The following SMURF1 variants were observed in gnomAD, a reference collection of about 807,000 sequenced individuals.
SMURF1 encodes the protein E3 ubiquitin-protein ligase SMURF1.
A neutral mutation model predicts 98.0 loss-of-function variants in SMURF1; 44 were observed. The observed-to-expected ratio is 0.45, with a 90% CI of 0.35 to 0.58. SMURF1 has a LOEUF of 0.58. Among genes scored for constraint, SMURF1 ranks in the 20% least tolerant of loss-of-function variants. The pLI is 0.00. For missense variants in SMURF1, 687 were observed against 938.4 expected, an observed-to-expected ratio of 0.73 and a Z score of 3.50; for synonymous variants, 396 against 374.9, an observed-to-expected ratio of 1.06 and a Z score of -0.65.
At chr7:99,097,922 C>G (rs1796991368) in intron 1 of SMURF1, among the ~76,000 whole-genome samples, 1 of 152,198 alleles carries the variant, frequency 6.6e-6, no homozygotes, top group African/African-American at 2.4e-5. Context: ...ACAGAAATAT[C>G]TTCAAGAAAA....
chr7:99,132,222 A>G (rs1797885307), intron 1 of SMURF1, among the ~76,000 whole-genome samples: 1 of 152,194 alleles, frequency 6.6e-6, no homozygotes, highest in African/African-American at 2.4e-5. Flanking sequence ...GCTCATATCA[A>G]CAAGAAGTGG....
At chr7:99,122,477 C>G (rs1797656461) in intron 1 of SMURF1, among the ~76,000 whole-genome samples, 1 of 151,606 alleles carries the variant, frequency 6.6e-6, no homozygotes, top group Non-Finnish European at 1.5e-5. Context: ...AACCTCATCT[C>G]TACTAAAAAA....
chr7:99,057,403 GTGTT>G lies in SMURF1; in HGVS notation c.337+11_337+14del, dbSNP rs1563009184. ...TTTGGTTGCATTAAGAGGCAGGAAA[GTGTT>G]TGGTTCTTACATCCGGTATCTTTTA... On this transcript the variant is annotated intron_variant, in intron 4 of 17. Coordinates refer to ENST00000361368, the MANE Select transcript of SMURF1 (RefSeq NM_181349.3). 8 of 1,612,644 alleles carry G rather than the reference GTGTT, an allele frequency of 5.0e-6. No individual in the cohort carries two copies. The highest frequency in any genetic ancestry group is 6.8e-6 in the Non-Finnish European group (8 of 1,179,720).
Position 99,063,285 on chromosome 7 carries a change from A to ATG in SMURF1, c.56-1449_56-1448insCA, listed in dbSNP as rs1796106856. On this transcript the variant is annotated intron_variant, in intron 1 of 17. Transcript: ENST00000361368. ...TATATATATATATATATATATATATATATATATATATATATATATAAAAAG... is the reference window on the plus strand; with the variant it reads ...TATATATATATATATATATATATATATGTATATATATATATATATATAAAAAG... 3.9e-4 allele frequency among the ~76,000 whole-genome samples: 9 copies of ATG among 23,120 alleles called. 1 individual carries two copies. In the East Asian group the frequency reaches 0.014, roughly 35 times the overall value. 15.2% of individuals were successfully genotyped at this position (23,120 alleles called of 152,430 possible).
intron 1 of SMURF1, among the ~76,000 whole-genome samples, chr7:99,132,555 G>A (rs1797892493): frequency 2.0e-5 from 3 of 152,160 alleles, no homozygotes; most frequent in Admixed American, 6.5e-5. Flanking sequence ...CTGCCTGATC[G>A]TGAGTGAGGG....
intron 1 of SMURF1, among the ~76,000 whole-genome samples, chr7:99,085,928 A>C (rs145140542): frequency 1.2e-3 from 184 of 152,372 alleles, no homozygotes; most frequent in African/African-American, 4.3e-3. Context: ...GCCAATTAAA[A>C]TATAGGCAAA....
intron 1 of SMURF1, among the ~76,000 whole-genome samples, chr7:99,063,661 G>A (rs1400251459): frequency 1.3e-5 from 2 of 151,942 alleles, no homozygotes; most frequent in South Asian, 2.1e-4. Flanking sequence ...GTATACTCAT[G>A]GGTGGGACAA....
intron 1 of SMURF1, among the ~76,000 whole-genome samples, chr7:99,096,021 A>G (rs1482945605): frequency 6.6e-6 from 1 of 152,092 alleles, no homozygotes; most frequent in Admixed American, 6.6e-5. Flanking sequence ...GGCATTACCT[A>G]TCAGTGTGGG....
intron 2 of SMURF1, among the ~76,000 whole-genome samples, 172 bp from the exon 3 acceptor site, chr7:99,060,879 G>A (rs373434162): frequency 6.6e-6 from 1 of 151,350 alleles, no homozygotes; most frequent in East Asian, 1.9e-4. Context: ...ATTTTTAGAG[G>A]GTAGAAAAGA....
intron 13 of SMURF1, among the ~76,000 whole-genome samples, chr7:99,039,206 AAAAAAAAAAAAAAAT>A (rs952082917): frequency 1.8e-4 from 22 of 124,172 alleles, no homozygotes; most frequent in Non-Finnish European, 1.0e-4. Context: ...AAAAAAAAAA[AAAAAAAAAAAAAAAT>A]ACTGTTCCTC....
At chr7:99,051,115 T>A in intron 8 of SMURF1, 1 of 929,602 alleles carries the variant, frequency 1.1e-6, no homozygotes, top group Non-Finnish European at 1.6e-6. Flanking sequence ...AATTGCTGTG[T>A]AACCAACTTC....
chr7:99,143,669 A>C, intron 1 of SMURF1, 57 bp downstream of exon 1: 2 of 1,461,336 alleles, frequency 1.4e-6, no homozygotes, highest in South Asian at 2.5e-5. Context: ...CCCTGCGGGG[A>C]ATTCCGGGGC....
chr7:99,047,432 C>G (rs1002038223), intron 10 of SMURF1, among the ~76,000 whole-genome samples: 4 of 152,152 alleles, frequency 2.6e-5, no homozygotes, highest in Non-Finnish European at 5.9e-5. Flanking sequence ...TCCATTTTTA[C>G]CATAAGAGGA....
At chr7:99,109,266 G>A (rs1289774647) in intron 1 of SMURF1, among the ~76,000 whole-genome samples, 1 of 152,178 alleles carries the variant, frequency 6.6e-6, no homozygotes, top group East Asian at 1.9e-4. Flanking sequence ...TGCCAGCCTC[G>A]CCACACCCCC....
At chr7:99,039,963 G>A (rs1271496430) in intron 13 of SMURF1, among the ~76,000 whole-genome samples, 4 of 152,182 alleles carry the variant, frequency 2.6e-5, no homozygotes, top group Non-Finnish European at 5.9e-5. Flanking sequence ...GATGCCCTGA[G>A]TGTCTCACAC....
At chr7:99,104,732 T>A (rs1797158519) in intron 1 of SMURF1, among the ~76,000 whole-genome samples, 1 of 152,254 alleles carries the variant, frequency 6.6e-6, no homozygotes, top group South Asian at 2.1e-4. Context: ...GCATTTAAAC[T>A]GCTTCCAATT....
At chr7:99,036,920 C>T in intron 15 of SMURF1, 147 bp downstream of exon 15, 9 of 1,198,422 alleles carry the variant, frequency 7.5e-6, no homozygotes, top group Non-Finnish European at 9.5e-6. Flanking sequence ...CCCACTCTTG[C>T]TCCAGCCCTG....
At chr7:99,042,494 C>T (rs745820849) in intron 11 of SMURF1, among the ~76,000 whole-genome samples, 2 of 152,296 alleles carry the variant, frequency 1.3e-5, no homozygotes, top group African/African-American at 2.4e-5. Flanking sequence ...AGGGTGGCCT[C>T]GAACTCCTGA....
chr7:99,109,437 C>A (rs1320522139), intron 1 of SMURF1, among the ~76,000 whole-genome samples: 1 of 152,200 alleles, frequency 6.6e-6, no homozygotes, highest in Non-Finnish European at 1.5e-5. Context: ...GGTTCAAACA[C>A]TCACTGAGCT....
Sources: gnomAD v4.1 joint callset for allele counts (sites outside exome capture counted in the v4.1 genomes callset) on GRCh38, gnomAD v4.1.1 for gene constraint, MANE v1.5 for transcripts, NCBI Gene and HGNC (gene_info 2026-07-23, HGNC 2026-07-21) for gene names.